PCED1B: variants seen among roughly 807,000 people sequenced by gnomAD.
PCED1B encodes the protein PC-esterase domain containing 1B.
For missense variants in PCED1B, 573 were observed against 573.9 expected, an observed-to-expected ratio of 1.00 and a Z score of 0.02; for synonymous variants, 251 against 246.1, an observed-to-expected ratio of 1.02 and a Z score of -0.19.
At chr12:47,171,224 C>T (rs890669688) in intron 2 of PCED1B, among the ~76,000 whole-genome samples, 4 of 151,974 alleles carry the variant, frequency 2.6e-5, no homozygotes, top group East Asian at 1.9e-4. Flanking sequence ...TGCACCACCA[C>T]GCCCGGCTAA....
chr12:47,200,111 G>A (rs1307794730), intron 2 of PCED1B, among the ~76,000 whole-genome samples: 1 of 151,848 alleles, frequency 6.6e-6, no homozygotes, highest in Non-Finnish European at 1.5e-5. Context: ...GAGGTGGGAG[G>A]ATGGCTTGAA....
At chr12:47,159,319 C>A (rs1941295531) in intron 2 of PCED1B, among the ~76,000 whole-genome samples, 1 of 152,234 alleles carries the variant, frequency 6.6e-6, no homozygotes, top group Middle Eastern at 3.4e-3. Context: ...TGAGAAATCT[C>A]CCTACTGTTT....
intron 2 of PCED1B, among the ~76,000 whole-genome samples, chr12:47,167,436 A>G (rs1941580253): frequency 6.6e-6 from 1 of 152,054 alleles, no homozygotes; most frequent in Non-Finnish European, 1.5e-5. Context: ...TCAGATGATC[A>G]CTCAAAGCCA....
chr12:47,226,222 G>A (rs1943626938), intron 3 of PCED1B, among the ~76,000 whole-genome samples: 2 of 152,102 alleles, frequency 1.3e-5, no homozygotes, highest in Admixed American at 6.5e-5. Flanking sequence ...GTTTTAATTC[G>A]AAGTTGGAAT....
At chr12:47,210,102 G>C (rs1943031707) in intron 2 of PCED1B, 1 of 152,152 alleles carries the variant, frequency 6.6e-6, no homozygotes, top group Admixed American at 6.5e-5. Context: ...GAACAGTTTT[G>C]GAAAATAACA....
At chr12:47,083,643 T>C (rs1937847027) in intron 1 of PCED1B, among the ~76,000 whole-genome samples, 2 of 152,192 alleles carry the variant, frequency 1.3e-5, no homozygotes, top group African/African-American at 4.8e-5. Flanking sequence ...TCTTTCATTA[T>C]ATGGAGATAC....
intron 2 of PCED1B, among the ~76,000 whole-genome samples, chr12:47,132,689 G>A (rs1231028481): frequency 6.6e-6 from 1 of 152,100 alleles, no homozygotes; most frequent in Non-Finnish European, 1.5e-5. Flanking sequence ...CAGTTAGAAG[G>A]AAAACTGGAG....
At position 47,235,459 on chromosome 12, in the gene PCED1B, T is replaced by C. The variant is rs1943948072; in HGVS notation, c.396T>C (p.Gly132=). The C allele has an allele frequency of 6.2e-7, 1 of 1,613,884 alleles. No individual in the cohort carries two copies. The highest frequency in any genetic ancestry group is 1.3e-5 in the African/African-American group (1 of 74,888). The part of the protein sequence containing the change: ...NSCLWDISRY[G]PNSWRSYLEN... ...GCCTCTGGGACATCTCCAGGTATGG[T>C]CCGAACTCCTGGAGAAGCTACCTGG... is the stretch of plus-strand genomic sequence containing the variant. Residue 132 remains glycine, a synonymous_variant, in exon 4 of 4, where the codon GGT becomes GGC. Transcript: ENST00000546455.
intron 2 of PCED1B, among the ~76,000 whole-genome samples, chr12:47,109,007 T>G (rs1000473485): frequency 6.6e-6 from 1 of 152,234 alleles, no homozygotes; most frequent in Non-Finnish European, 1.5e-5. Context: ...GGATTAATCA[T>G]GATTCAGGTC....
intron 2 of PCED1B, among the ~76,000 whole-genome samples, chr12:47,182,894 A>G (rs1463582661): frequency 6.6e-6 from 1 of 152,162 alleles, no homozygotes; most frequent in Non-Finnish European, 1.5e-5. Context: ...TAAACAAACA[A>G]TATTTTGAAA....
intron 3 of PCED1B, among the ~76,000 whole-genome samples, chr12:47,233,261 A>G (rs1048815864): frequency 2.0e-5 from 3 of 151,918 alleles, no homozygotes; most frequent in Non-Finnish European, 4.4e-5. Context: ...GGCTCACGCC[A>G]TTCTCCTGCC....
Position 47,087,847 on chromosome 12 carries a change from C to T in PCED1B, c.-609+8122C>T, listed in dbSNP as rs148112619. On this transcript the variant is annotated intron_variant, in intron 1 of 3. Transcript: ENST00000546455. ...ACTAACATGAATCCCTATTGGTCAT[C>T]TTATCTGTGGCACTCGCAATAAAGA... 1.1e-3 allele frequency among the ~76,000 whole-genome samples: 169 copies of T among 152,288 alleles called. 1 individual carries two copies. The highest frequency in any genetic ancestry group is 4.0e-3 in the African/African-American group (167 of 41,562).
intron 2 of PCED1B, among the ~76,000 whole-genome samples, chr12:47,207,211 A>T (rs1014444700): frequency 1.2e-4 from 18 of 152,272 alleles, no homozygotes; most frequent in Non-Finnish European, 1.5e-4. Flanking sequence ...TGAAGGTGAC[A>T]GATGGAGGAC....
intron 3 of PCED1B, among the ~76,000 whole-genome samples, chr12:47,225,574 C>T (rs1384785266): frequency 1.3e-5 from 2 of 152,278 alleles, no homozygotes; most frequent in East Asian, 3.9e-4. Context: ...ATAAATTATA[C>T]AGGTGAGCTC....
At chr12:47,144,992 G>A (rs1039113553) in intron 2 of PCED1B, among the ~76,000 whole-genome samples, 1 of 152,254 alleles carries the variant, frequency 6.6e-6, no homozygotes, top group African/African-American at 2.4e-5. Context: ...GTCAAAAGCT[G>A]AGATAGGCTG....
intron 2 of PCED1B, among the ~76,000 whole-genome samples, chr12:47,160,255 G>C (rs1467865487): frequency 8.9e-5 from 11 of 123,530 alleles, no homozygotes; most frequent in African/African-American, 3.1e-4. Context: ...GTTGTTGGCT[G>C]TTTTTCTTTT....
At chr12:47,185,399 C>A (rs775835934) in intron 2 of PCED1B, among the ~76,000 whole-genome samples, 3 of 152,164 alleles carry the variant, frequency 2.0e-5, no homozygotes, top group Non-Finnish European at 2.9e-5. Flanking sequence ...ATTGAAGCTG[C>A]AAGCCGAGGA....
intron 2 of PCED1B, among the ~76,000 whole-genome samples, chr12:47,167,677 A>G (rs1033595591): frequency 6.6e-6 from 1 of 152,186 alleles, no homozygotes; most frequent in African/African-American, 2.4e-5. Flanking sequence ...ATATTGCTGA[A>G]CCATGGAATC....
At chr12:47,204,190 C>G (rs1413125060) in intron 2 of PCED1B, among the ~76,000 whole-genome samples, 1 of 152,144 alleles carries the variant, frequency 6.6e-6, no homozygotes, top group East Asian at 1.9e-4. Flanking sequence ...CTTAAATGAT[C>G]TGCCCGCTTC....
Sources: gnomAD v4.1 joint callset for allele counts (sites outside exome capture counted in the v4.1 genomes callset) on GRCh38, gnomAD v4.1.1 for gene constraint, MANE v1.5 for transcripts, NCBI Gene and HGNC (gene_info 2026-07-23, HGNC 2026-07-21) for gene names.